Variants in HIVEP3 observed in about 807,000 individuals in gnomAD.
HIVEP3 encodes the protein HIVEP zinc finger 3.
Under a neutral mutation model 152.8 loss-of-function variants are expected in HIVEP3, and 49 were observed. That is an observed-to-expected ratio of 0.32 (90% CI 0.26 to 0.41). HIVEP3 has a LOEUF of 0.41. Among genes scored for constraint, HIVEP3 ranks in the 10% least tolerant of loss-of-function variants. HIVEP3 has a pLI of 1.00. For missense variants in HIVEP3, 2,790 were observed against 3,103.3 expected, an observed-to-expected ratio of 0.90 and a Z score of 2.40; for synonymous variants, 1,269 against 1,289.0, an observed-to-expected ratio of 0.98 and a Z score of 0.33.
At chr1:41,654,869 T>C (rs1220047361) in intron 2 of HIVEP3, among the ~76,000 whole-genome samples, 1 of 152,216 alleles carries the variant, frequency 6.6e-6, no homozygotes, top group East Asian at 1.9e-4. Context: ...GTGTCCATTC[T>C]GCCCCTCATT....
chr1:41,812,617 T>A (rs1165122549), intron 1 of HIVEP3, among the ~76,000 whole-genome samples: 3 of 152,024 alleles, frequency 2.0e-5, no homozygotes, highest in Non-Finnish European at 2.9e-5. Context: ...ACACTTCATT[T>A]TAAGAGTGAT....
chr1:41,911,246 C>T (rs972863663), intron 1 of HIVEP3, among the ~76,000 whole-genome samples: 7 of 152,022 alleles, frequency 4.6e-5, no homozygotes, highest in Admixed American at 2.0e-4. Context: ...AGGTCAACAG[C>T]GTATGAAAAG....
At chr1:41,802,010 A>C (rs1650338394) in intron 1 of HIVEP3, among the ~76,000 whole-genome samples, 1 of 152,166 alleles carries the variant, frequency 6.6e-6, no homozygotes, top group Non-Finnish European at 1.5e-5. Flanking sequence ...CTGGGAGAGA[A>C]GCAAGGTGTC....
intron 6 of HIVEP3, among the ~76,000 whole-genome samples, chr1:41,522,534 C>T (rs1236614546): frequency 6.6e-6 from 1 of 152,158 alleles, no homozygotes; most frequent in Non-Finnish European, 1.5e-5. Flanking sequence ...GGCAGCCTTA[C>T]CTCGGGGGAT....
rs1484750329 is a variant in HIVEP3 at position 41,511,037 on chromosome 1, G to T, written c.6635C>A (p.Thr2212Asn). The T allele has an allele frequency of 6.2e-7, 1 of 1,613,770 alleles. No individual in the cohort carries two copies. The highest frequency in any genetic ancestry group is 1.7e-5 in the Admixed American group (1 of 60,024). The change falls in exon 9 of 9, where the codon ACC becomes AAC. Residue 2212 changes from threonine (T) to asparagine (N), a missense_variant. By Grantham distance (65) the Thr-to-Asn change is moderately conservative. Coordinates refer to ENST00000372583, the MANE Select transcript of HIVEP3 (RefSeq NM_024503.5). This position sits in a 1 kb window ranked among gnomAD's most constrained non-coding sequence, Gnocchi z 4.9. Reference protein sequence around the residue: ...MVQARPGAHPTLLPGPTAAWV... With the variant: ...MVQARPGAHPNLLPGPTAAWV... ...GGCTGCGGTGGGCCCTGGCAGCAGG[G>T]TGGGGTGGGCTCCTGGCCGGGCCTG...
intron 1 of HIVEP3, among the ~76,000 whole-genome samples, chr1:41,974,486 TAC>T (rs66882363): frequency 0.031 from 4,095 of 134,090 alleles, 78 homozygotes; most frequent in African/African-American, 0.046. Flanking sequence ...CTCCACCCCC[TAC>T]ACACACACAC....
chr1:41,802,575 T>C (rs138835037), intron 1 of HIVEP3, among the ~76,000 whole-genome samples: 2,233 of 152,274 alleles, frequency 0.015, 23 homozygotes, highest in Non-Finnish European at 0.019. Context: ...AGGGTGGGAA[T>C]AGGAGAGGAA....
At chr1:41,726,195 G>A (rs144054383) in intron 1 of HIVEP3, among the ~76,000 whole-genome samples, 286 of 152,098 alleles carry the variant, frequency 1.9e-3, no homozygotes, top group Middle Eastern at 6.8e-3. Flanking sequence ...ATGAGCCCTC[G>A]AGAAGCCACA....
intron 1 of HIVEP3, among the ~76,000 whole-genome samples, chr1:41,886,596 T>C (rs1474033881): frequency 6.6e-6 from 1 of 151,058 alleles, no homozygotes. Context: ...CCTGTAATCC[T>C]AGCTACTCGA....
intron 1 of HIVEP3, among the ~76,000 whole-genome samples, chr1:41,728,490 G>A (rs927160209): frequency 2.0e-5 from 3 of 152,102 alleles, no homozygotes; most frequent in East Asian, 1.9e-4. Flanking sequence ...GTAAGGGGGG[G>A]TGAAATGTAA....
At chr1:42,035,897 C>T (rs1371904513) in exon 1 of HIVEP3, 2 of 150,190 alleles carry the variant, frequency 1.3e-5, no homozygotes, top group African/African-American at 2.4e-5. Flanking sequence ...CGGGCCACGG[C>T]ATGCGAGGAG....
intron 1 of HIVEP3, among the ~76,000 whole-genome samples, chr1:42,035,455 T>A (rs1308179542): frequency 6.6e-6 from 1 of 152,224 alleles, no homozygotes; most frequent in Non-Finnish European, 1.5e-5. Flanking sequence ...GCCCCCGCTG[T>A]CGCGCCAGGT....
intron 5 of HIVEP3, among the ~76,000 whole-genome samples, chr1:41,571,447 G>A (rs1177668831): frequency 6.6e-6 from 1 of 152,214 alleles, no homozygotes; most frequent in Non-Finnish European, 1.5e-5. Flanking sequence ...GCACTCCCAG[G>A]GGCTGCCTGG....
intron 1 of HIVEP3, among the ~76,000 whole-genome samples, chr1:41,953,128 C>A (rs1313001373): frequency 6.6e-6 from 1 of 152,180 alleles, no homozygotes; most frequent in Non-Finnish European, 1.5e-5. Flanking sequence ...CCTAGGCCTG[C>A]AATGATCTTT....
chr1:41,792,303 G>A (rs1399497285), intron 1 of HIVEP3, among the ~76,000 whole-genome samples: 1 of 152,194 alleles, frequency 6.6e-6, no homozygotes, highest in Admixed American at 6.5e-5. Context: ...GAGGATGGGG[G>A]CTCCTGCAGG....
rs1558047490 is a variant in HIVEP3 at position 41,545,033 on chromosome 1, CACCA to C, written c.5208-20127_5208-20124del. Among the ~76,000 whole-genome samples, 53 of 91,204 alleles carry C rather than the reference CACCA, an allele frequency of 5.8e-4. 3 individuals carry two copies. The highest frequency in any genetic ancestry group is 9.6e-4 in the Non-Finnish European group (35 of 36,492). 59.8% of individuals were successfully genotyped at this position (91,204 alleles called of 152,430 possible). On this transcript the variant is annotated intron_variant, in intron 5 of 8. Transcript: ENST00000372583. ...CCACCACCACTACCACCACCACCAC[CACCA>C]ATACCACTACCACCACCATCACTAC...
intron 3 of HIVEP3, among the ~76,000 whole-genome samples, chr1:41,612,967 A>C (rs964310192): frequency 3.3e-5 from 5 of 152,202 alleles, no homozygotes; most frequent in Admixed American, 1.3e-4. Flanking sequence ...TCATTGTCCC[A>C]ACCTGGCCCT....
At chr1:41,672,718 G>A (rs1178657653) in intron 2 of HIVEP3, among the ~76,000 whole-genome samples, 4 of 152,318 alleles carry the variant, frequency 2.6e-5, no homozygotes, top group South Asian at 2.1e-4. Context: ...TTGAGGGCAG[G>A]GCTTGAGCAG....
At chr1:41,719,669 G>A (rs554154350) in intron 1 of HIVEP3, among the ~76,000 whole-genome samples, 8 of 152,214 alleles carry the variant, frequency 5.3e-5, no homozygotes, top group East Asian at 1.9e-4. Flanking sequence ...TGAGATGTCC[G>A]TCTTTCTGGG....
Sources: allele counts gnomAD v4.1 joint callset (sites outside exome capture counted in the v4.1 genomes callset), GRCh38; gene constraint gnomAD v4.1.1; non-coding constraint Gnocchi (gnomAD v3.1); transcripts MANE v1.5; gene names NCBI Gene and HGNC (gene_info 2026-07-23, HGNC 2026-07-21).